The following STK32B variants were observed in gnomAD, a reference collection of about 807,000 sequenced individuals.
The protein encoded by STK32B is serine/threonine kinase 32B.
Under a neutral mutation model 52.6 loss-of-function variants are expected in STK32B, and 43 were observed. That is an observed-to-expected ratio of 0.82 (90% CI 0.64 to 1.05). The LOEUF is 1.05. Among genes scored for constraint, STK32B ranks in the 50% least tolerant of loss-of-function variants. The pLI, the probability that STK32B is intolerant of heterozygous loss-of-function variation, is 0.00. For synonymous variants in STK32B, 238 were observed against 204.3 expected (o/e 1.17, Z -1.41); for missense variants, 621 against 534.6 (o/e 1.16, Z -1.59).
At chr4:5,432,800 A>ACAG (rs4017776) in intron 6 of STK32B, among the ~76,000 whole-genome samples, 1 of 151,656 alleles carries the variant, frequency 6.6e-6, no homozygotes, top group Non-Finnish European at 1.5e-5. Flanking sequence ...AATAATAACA[A>ACAG]TAATACTAGA....
intron 11 of STK32B, among the ~76,000 whole-genome samples, chr4:5,472,710 G>A (rs182079951): frequency 6.6e-6 from 1 of 152,154 alleles, no homozygotes; most frequent in African/African-American, 2.4e-5. Flanking sequence ...TCATATAAAA[G>A]CTACCCCTGG....
intron 3 of STK32B, among the ~76,000 whole-genome samples, chr4:5,290,770 A>AG (rs35223679): frequency 0.98 from 148,768 of 152,232 alleles, 72,727 homozygotes; most frequent in East Asian, 1. Flanking sequence ...ATATACATAA[A>AG]GAAAATATTC....
upstream of STK32B, among the ~76,000 whole-genome samples, chr4:5,048,361 C>A (rs1223087156): frequency 6.9e-6 from 1 of 143,942 alleles, no homozygotes; most frequent in Non-Finnish European, 1.5e-5. Flanking sequence ...AGTGCGATGG[C>A]GCGATCTTGG....
chr4:5,328,930 G>T (rs1043931977), intron 3 of STK32B, among the ~76,000 whole-genome samples: 1 of 152,162 alleles, frequency 6.6e-6, no homozygotes, highest in African/African-American at 2.4e-5. Context: ...GCTGGTGGCC[G>T]GGCGCGGTGG....
rs190826898 is a variant in STK32B, at chr4:5,082,238, T to A, written c.52+30323T>A. 3.3e-3 allele frequency among the ~76,000 whole-genome samples: 509 copies of A among 152,178 alleles called. 13 individuals are homozygous for A. Among genetic ancestry groups the A allele is most frequent in the Admixed American group, 0.031 (469 of 15,282 alleles). On this transcript the variant is annotated intron_variant, in intron 1 of 11. Coordinates refer to ENST00000282908, the MANE Select transcript of STK32B (RefSeq NM_018401.3). ...AAGGAGGTATCCTGAAATTCTCAAG[T>A]TTTTGTGACTTTTCCCAATCCTACA...
intron 4 of STK32B, among the ~76,000 whole-genome samples, chr4:5,340,187 C>T (rs1019179366): frequency 3.9e-5 from 6 of 152,180 alleles, no homozygotes; most frequent in African/African-American, 1.4e-4. Context: ...GAATGAGACT[C>T]AACTTTCTGG....
At chr4:5,106,508 T>A (rs1714116589) in intron 1 of STK32B, among the ~76,000 whole-genome samples, 2 of 152,232 alleles carry the variant, frequency 1.3e-5, no homozygotes, top group African/African-American at 4.8e-5. Context: ...CTACTTGGAA[T>A]AGATTTTTGC....
the STK32B span, among the ~76,000 whole-genome samples, chr4:5,046,469 G>T: frequency 6.6e-6 from 1 of 152,110 alleles, no homozygotes; most frequent in Non-Finnish European, 1.5e-5. Flanking sequence ...AAGATTTCAC[G>T]GCTAAAACAA....
In STK32B at chr4:5,460,175, A is replaced by C; in HGVS notation, c.856A>C (p.Met286Leu). The C allele has an allele frequency of 6.2e-7, 1 of 1,614,178 alleles. No homozygotes were observed. The highest frequency in any genetic ancestry group is 8.5e-7 in the Non-Finnish European group (1 of 1,180,030). ...DIQSVPYLADMNWDAVFKKAL... is the reference protein window; with the variant it reads ...DIQSVPYLADLNWDAVFKKAL... Reference sequence around the variant, plus strand: ...ACAGAGCGTGCCCTACTTGGCCGACATGAACTGGGACGCGGTGTTCAAGAA... The same window carrying C: ...ACAGAGCGTGCCCTACTTGGCCGACCTGAACTGGGACGCGGTGTTCAAGAA... Residue 286 changes from methionine (M) to leucine (L), a missense_variant, in exon 9 of 12, where the codon ATG (methionine) becomes CTG (leucine). Transcript: ENST00000282908. This position sits in a 1 kb window ranked among gnomAD's most constrained non-coding sequence, Gnocchi z 4.8.
At chr4:5,130,469 G>C (rs1192750328) in intron 1 of STK32B, among the ~76,000 whole-genome samples, 2 of 152,108 alleles carry the variant, frequency 1.3e-5, no homozygotes, top group Admixed American at 6.5e-5. Flanking sequence ...TGTCGGCTTT[G>C]AGAAGGTAGG....
chr4:5,434,452 G>GTATATATATATATATATA (rs1182103278), intron 6 of STK32B, among the ~76,000 whole-genome samples: 4 of 143,218 alleles, frequency 2.8e-5, no homozygotes, highest in Admixed American at 2.1e-4. Context: ...GTGTGTGTGT[G>GTATATATATATATATATA]TGTATATATA....
At chr4:5,286,262 A>G (rs748113797) in intron 3 of STK32B, among the ~76,000 whole-genome samples, 22 of 152,236 alleles carry the variant, frequency 1.4e-4, no homozygotes, top group Non-Finnish European at 2.5e-4. Context: ...GATGAGCCAC[A>G]AAACTAGACT....
At chr4:5,253,369 TTTGTTG>T (rs547118087) in intron 3 of STK32B, among the ~76,000 whole-genome samples, 2 of 151,888 alleles carry the variant, frequency 1.3e-5, no homozygotes, top group African/African-American at 4.8e-5. Context: ...AATGTTTAGA[TTTGTTG>T]TTGTTGTTGT....
At chr4:5,246,037 G>C (rs1021978696) in intron 3 of STK32B, among the ~76,000 whole-genome samples, 1 of 152,104 alleles carries the variant, frequency 6.6e-6, no homozygotes, top group South Asian at 2.1e-4. Context: ...TGGTGAATCT[G>C]ACAATTATGT....
chr4:5,457,222 T>TTC (rs10648652), intron 8 of STK32B, among the ~76,000 whole-genome samples: 6 of 148,718 alleles, frequency 4.0e-5, no homozygotes, highest in African/African-American at 1.5e-4. Flanking sequence ...CTTTTTTTTT[T>TTC]TTTTTTTTTA....
chr4:5,404,374 T>C (rs1737513544), intron 5 of STK32B, among the ~76,000 whole-genome samples: 1 of 152,132 alleles, frequency 6.6e-6, no homozygotes, highest in African/African-American at 2.4e-5. Flanking sequence ...TCCAAATTTC[T>C]CCTTTTGATA....
At chr4:5,051,972 C>G (rs1460572929) in intron 1 of STK32B, 57 bp downstream of exon 1, 1 of 1,551,176 alleles carries the variant, frequency 6.4e-7, no homozygotes, top group African/African-American at 1.4e-5. Flanking sequence ...TCCTCCACCA[C>G]CCTCGGCCGA....
chr4:5,356,901 G>C (rs1179677656), intron 4 of STK32B, among the ~76,000 whole-genome samples: 1 of 152,112 alleles, frequency 6.6e-6, no homozygotes, highest in Non-Finnish European at 1.5e-5. Flanking sequence ...AGGAGGCTGA[G>C]GCAGGGGAAT....
chr4:5,444,569 G>A (rs898595247), intron 6 of STK32B, among the ~76,000 whole-genome samples: 12 of 152,156 alleles, frequency 7.9e-5, no homozygotes, highest in Admixed American at 1.3e-4. Context: ...CTTCTGCGTC[G>A]CTCACACTGG....
Sources: gnomAD v4.1 joint callset for allele counts (sites outside exome capture counted in the v4.1 genomes callset) on GRCh38, gnomAD v4.1.1 for gene constraint, Gnocchi (gnomAD v3.1) non-coding constraint, MANE v1.5 for transcripts, NCBI Gene and HGNC (gene_info 2026-07-23, HGNC 2026-07-21) for gene names.